The following TSHZ2 variants were observed in gnomAD, a reference collection of about 807,000 sequenced individuals.
TSHZ2 encodes teashirt homolog 2.
TSHZ2 carries 21 observed loss-of-function variants against 74.4 expected under a neutral mutation model. That is an observed-to-expected ratio of 0.28 (90% CI 0.20 to 0.41). The LOEUF (loss-of-function observed/expected upper bound fraction) is 0.41, where lower values mean the gene tolerates loss of function less well. Among genes scored for constraint, TSHZ2 ranks in the 10% least tolerant of loss-of-function variants. The pLI is 1.00. For missense variants in TSHZ2, 1,244 were observed against 1,293.5 expected, an observed-to-expected ratio of 0.96 and a Z score of 0.59; for synonymous variants, 540 against 515.3, an observed-to-expected ratio of 1.05 and a Z score of -0.65.
intron 2 of TSHZ2, among the ~76,000 whole-genome samples, chr20:53,454,255 C>T (rs959893351): frequency 1.4e-4 from 21 of 152,046 alleles, no homozygotes; most frequent in African/African-American, 5.1e-4. Flanking sequence ...TGATGAAACC[C>T]GTGGAGCCCT....
Position 53,488,201 on chromosome 20 carries a change from G to T in TSHZ2, c.*1066G>T, listed in dbSNP as rs999997034. The T allele has an allele frequency of 5.3e-5, 8 of 152,050 alleles. No homozygotes were observed. Among genetic ancestry groups the T allele is most frequent in the Non-Finnish European group, 1.2e-4 (8 of 68,002 alleles). The allele number at this position is 152,050 out of a possible 1,614,324, so 9.4% of individuals were successfully genotyped here. A position where few individuals can be genotyped will look rare whatever the true frequency, so the allele number is the denominator to read the frequency against. The stretch of plus-strand genomic sequence containing the variant: ...CAATTTTAATTTGTGGAATATTCCC[G>T]TTAATAATGAGATCTAATTAAGACA... On this transcript the variant is annotated 3_prime_UTR_variant, in exon 3 of 3. Coordinates refer to ENST00000371497, the MANE Select transcript of TSHZ2 (RefSeq NM_173485.6).
intron 1 of TSHZ2, among the ~76,000 whole-genome samples, chr20:53,142,073 T>TTTGTTGTTTG (rs1197067528): frequency 4.6e-5 from 7 of 152,204 alleles, no homozygotes; most frequent in Admixed American, 2.6e-4. Context: ...GTCAAGATTT[T>TTTGTTGTTTG]TTGTTGTTTG....
chr20:53,110,841 G>C (rs1156895222), intron 1 of TSHZ2, among the ~76,000 whole-genome samples: 2 of 152,142 alleles, frequency 1.3e-5, no homozygotes, highest in Non-Finnish European at 2.9e-5. Context: ...GCAGAGACTT[G>C]GGGAACTGTT....
intron 2 of TSHZ2, among the ~76,000 whole-genome samples, chr20:53,294,248 A>G (rs200634): frequency 0.16 from 23,731 of 152,156 alleles, 2,465 homozygotes; most frequent in African/African-American, 0.3. Flanking sequence ...TAATAACAAA[A>G]CATGGTAAAG....
chr20:53,019,528 C>G (rs1185134544), intron 1 of TSHZ2, among the ~76,000 whole-genome samples: 1 of 152,074 alleles, frequency 6.6e-6, no homozygotes, highest in East Asian at 1.9e-4. Context: ...GGGGGAGACC[C>G]CTGTTGTTGA....
intron 2 of TSHZ2, among the ~76,000 whole-genome samples, chr20:53,405,841 C>T (rs1982832908): frequency 6.6e-6 from 1 of 151,770 alleles, no homozygotes; most frequent in South Asian, 2.1e-4. Flanking sequence ...ATCAAAGATA[C>T]AGAAAATTAG....
chr20:53,247,012 G>A (rs1290523268), intron 1 of TSHZ2, among the ~76,000 whole-genome samples: 1 of 152,086 alleles, frequency 6.6e-6, no homozygotes, highest in African/African-American at 2.4e-5. Context: ...ATTTATCTCC[G>A]CAGAGTACTC....
At chr20:53,467,147 CT>C (rs1985587495) in intron 2 of TSHZ2, among the ~76,000 whole-genome samples, 1 of 152,200 alleles carries the variant, frequency 6.6e-6, no homozygotes, top group South Asian at 2.1e-4. Flanking sequence ...GATATTATGA[CT>C]GTTTTCTGCT....
intron 2 of TSHZ2, among the ~76,000 whole-genome samples, chr20:53,269,325 G>A (rs1990781839): frequency 1.4e-5 from 2 of 143,040 alleles, no homozygotes; most frequent in Admixed American, 7.0e-5. Flanking sequence ...GAGATTGTAA[G>A]TATAGATTTA....
intron 2 of TSHZ2, among the ~76,000 whole-genome samples, chr20:53,344,083 T>G (rs1328043588): frequency 1.3e-5 from 2 of 152,164 alleles, no homozygotes; most frequent in Non-Finnish European, 2.9e-5. Flanking sequence ...ATGCTGTCTT[T>G]TCTCCTTGTA....
intron 2 of TSHZ2, among the ~76,000 whole-genome samples, chr20:53,390,936 CAT>C (rs1274022650): frequency 6.6e-6 from 1 of 152,116 alleles, no homozygotes; most frequent in African/African-American, 2.4e-5. Flanking sequence ...CTTTGCTAGC[CAT>C]ACAGCTTCTT....
chr20:53,488,024 T>C lies in TSHZ2; in HGVS notation c.*889T>C, dbSNP rs1986341221. On this transcript the variant is annotated 3_prime_UTR_variant, in exon 3 of 3. Coordinates refer to ENST00000371497, the MANE Select transcript of TSHZ2 (RefSeq NM_173485.6). ...GAGATCATTACAGGGTGGAAAGTTCTGCAGCAGCCTTTTCTGGTAATCCCT... is the reference window on the plus strand; with the variant it reads ...GAGATCATTACAGGGTGGAAAGTTCCGCAGCAGCCTTTTCTGGTAATCCCT... 4 of 152,244 alleles carry C rather than the reference T, an allele frequency of 2.6e-5. No homozygotes were observed. In the South Asian group the frequency reaches 8.3e-4, roughly 31 times the overall value. 9.4% of individuals were successfully genotyped at this position (152,244 alleles called of 1,614,324 possible).
intron 1 of TSHZ2, among the ~76,000 whole-genome samples, chr20:53,048,691 A>T (rs1343104698): frequency 6.6e-6 from 1 of 152,172 alleles, no homozygotes; most frequent in African/African-American, 2.4e-5. Context: ...GTGAGAACTC[A>T]AGTCAGGCTC....
chr20:53,301,603 G>A (rs1221653497), intron 2 of TSHZ2, among the ~76,000 whole-genome samples: 1 of 152,162 alleles, frequency 6.6e-6, no homozygotes, highest in Non-Finnish European at 1.5e-5. Flanking sequence ...ACCAAACGAC[G>A]TAGGAGCAAG....
chr20:53,443,959 A>G (rs2145763858), intron 2 of TSHZ2, among the ~76,000 whole-genome samples: 1 of 152,286 alleles, frequency 6.6e-6, no homozygotes, highest in East Asian at 1.9e-4. Flanking sequence ...CCAAGGCACC[A>G]TCAACACTGA....
At chr20:53,002,304 G>A (rs1186486739) in intron 1 of TSHZ2, among the ~76,000 whole-genome samples, 3 of 152,306 alleles carry the variant, frequency 2.0e-5, no homozygotes, top group South Asian at 2.1e-4. Flanking sequence ...TTCCAAGCCC[G>A]TGCTGTCGAC....
intron 2 of TSHZ2, among the ~76,000 whole-genome samples, chr20:53,469,657 G>T (rs1985711555): frequency 1.3e-5 from 1 of 78,186 alleles, no homozygotes; most frequent in African/African-American, 5.0e-5. Flanking sequence ...AGGAAGGAAG[G>T]AAGGAAGGAA....
At chr20:52,987,030 TGTGA>T (rs2122899662) in intron 1 of TSHZ2, among the ~76,000 whole-genome samples, 1 of 152,282 alleles carries the variant, frequency 6.6e-6, no homozygotes, top group African/African-American at 2.4e-5. Context: ...CAGAAGAAGC[TGTGA>T]GTAAGGGCTG....
chr20:53,190,110 TA>T (rs1988696509), intron 1 of TSHZ2, among the ~76,000 whole-genome samples: 1 of 78,320 alleles, frequency 1.3e-5, no homozygotes, highest in African/African-American at 6.0e-5. Context: ...TATATATATA[TA>T]TATATATATA....
Sources: gnomAD v4.1 joint callset for allele counts (sites outside exome capture counted in the v4.1 genomes callset) on GRCh38, gnomAD v4.1.1 for gene constraint, MANE v1.5 for transcripts, NCBI Gene and HGNC (gene_info 2026-07-23, HGNC 2026-07-21) for gene names.